DIS3L2: variants seen among roughly 807,000 people sequenced by gnomAD.
DIS3L2 encodes DIS3 like 3'-5' exoribonuclease 2.
Under a neutral mutation model 97.5 loss-of-function variants are expected in DIS3L2, and 34 were observed. The observed-to-expected ratio is 0.35, with a 90% CI of 0.27 to 0.46. The LOEUF (loss-of-function observed/expected upper bound fraction) is 0.46, where lower values mean the gene tolerates loss of function less well. DIS3L2 is among the 20% of genes least tolerant of loss of function. The probability of loss-of-function intolerance (pLI) is 1.00; values close to 1 mark genes in which losing one functional copy is unlikely to be tolerated. For missense variants in DIS3L2, 1,038 were observed against 1,146.0 expected (o/e 0.91, Z 1.36); for synonymous variants, 435 against 445.2 (o/e 0.98, Z 0.29).
chr2:232,304,234 C>T (rs532022802), intron 14 of DIS3L2, among the ~76,000 whole-genome samples: 55 of 151,682 alleles, frequency 3.6e-4, no homozygotes, highest in East Asian at 3.1e-3. Context: ...AAGGAGTGAT[C>T]GAGAGTCATT....
intron 6 of DIS3L2, among the ~76,000 whole-genome samples, chr2:232,119,401 G>C (rs1033289122): frequency 1.3e-5 from 2 of 152,196 alleles, no homozygotes; most frequent in Non-Finnish European, 2.9e-5. Context: ...ACAGGAAGAC[G>C]TGAAGCTTGG....
At chr2:232,299,949 A>G in intron 13 of DIS3L2, 91 bp from the exon 14 acceptor site, 1 of 1,314,632 alleles carries the variant, frequency 7.6e-7, no homozygotes, top group Non-Finnish European at 1.1e-6. Context: ...AGGGAGTGTG[A>G]CTTCGTTTGA....
At chr2:232,042,791 T>C (rs376065988) in intron 5 of DIS3L2, among the ~76,000 whole-genome samples, 3 of 152,216 alleles carry the variant, frequency 2.0e-5, no homozygotes, top group African/African-American at 7.2e-5. Context: ...TCTAGAAAAC[T>C]AATTTATTTC....
At chr2:231,988,201 A>G (rs765935689) in intron 1 of DIS3L2, among the ~76,000 whole-genome samples, 3 of 152,222 alleles carry the variant, frequency 2.0e-5, no homozygotes, top group Non-Finnish European at 4.4e-5. Context: ...TATTAAGTTC[A>G]TGGTGATGGT....
intron 14 of DIS3L2, among the ~76,000 whole-genome samples, chr2:232,304,054 C>T (rs1326463210): frequency 6.6e-6 from 1 of 152,080 alleles, no homozygotes; most frequent in African/African-American, 2.4e-5. Context: ...AAGCTCTCCA[C>T]CCTGAATTAT....
rs760319345 is a variant in DIS3L2 at position 232,095,718 on chromosome 2, C to T, written c.601+7997C>T. 2.6e-5 allele frequency among the ~76,000 whole-genome samples: 4 copies of T among 152,300 alleles called. No homozygotes were observed. In the South Asian group the frequency reaches 8.3e-4, roughly 32 times the overall value. On this transcript the variant is annotated intron_variant, in intron 6 of 20. Coordinates refer to ENST00000325385, the MANE Select transcript of DIS3L2 (RefSeq NM_152383.5). ...TGTTCTGTTCTTTCTAATTGAAGTA[C>T]TCCCTTTAGCGTTTCTTCTAGGACA...
At chr2:232,239,844 A>AGT (rs1482887017) in intron 11 of DIS3L2, among the ~76,000 whole-genome samples, 1 of 152,238 alleles carries the variant, frequency 6.6e-6, no homozygotes, top group African/African-American at 2.4e-5. Flanking sequence ...AGTGTTACTG[A>AGT]GAGTTCCTCT....
chr2:232,123,302 G>C (rs188057673), intron 6 of DIS3L2, among the ~76,000 whole-genome samples: 2 of 151,926 alleles, frequency 1.3e-5, no homozygotes, highest in African/African-American at 4.8e-5. Context: ...CAAGCAATGG[G>C]TTTCTGAAAG....
At chr2:232,012,555 C>T (rs1002959386) in intron 1 of DIS3L2, among the ~76,000 whole-genome samples, 38 of 150,148 alleles carry the variant, frequency 2.5e-4, no homozygotes, top group African/African-American at 8.7e-4. Context: ...AAGGCTGCCG[C>T]GTTTGTTTTC....
Position 232,208,080 on chromosome 2 carries a change from A to T in DIS3L2, c.1125-2246A>T, listed in dbSNP as rs867444036. On this transcript the variant is annotated intron_variant, in intron 9 of 20. Transcript: ENST00000325385. ...GATTTGAAAGTCACATGAATTTTTT[A>T]AAAAAATAGTAAACATTAAAATTGA... is the stretch of plus-strand genomic sequence containing the variant. Among the ~76,000 whole-genome samples the T allele has an allele frequency of 5.7e-4, 87 of 152,290 alleles. 1 individual carries two copies. The highest frequency in any genetic ancestry group is 1.0e-3 in the South Asian group (5 of 4,828).
chr2:232,319,431 A>C (rs1559210550), intron 14 of DIS3L2, among the ~76,000 whole-genome samples: 2 of 152,260 alleles, frequency 1.3e-5, no homozygotes, highest in African/African-American at 4.8e-5. Flanking sequence ...ATGGACAGGC[A>C]TAAGCACCAT....
At chr2:232,171,486 C>G (rs1690989942) in intron 9 of DIS3L2, among the ~76,000 whole-genome samples, 1 of 152,158 alleles carries the variant, frequency 6.6e-6, no homozygotes, top group Admixed American at 6.5e-5. Flanking sequence ...TTGTCTGCCG[C>G]ATTTATCTGA....
intron 1 of DIS3L2, among the ~76,000 whole-genome samples, chr2:232,001,478 A>G (rs926966340): frequency 1.4e-5 from 2 of 146,228 alleles, no homozygotes; most frequent in African/African-American, 5.1e-5. Flanking sequence ...TTGCAAATAT[A>G]TTCTCTCATT....
At chr2:232,077,063 C>T (rs1247428751) in intron 5 of DIS3L2, among the ~76,000 whole-genome samples, 2 of 152,114 alleles carry the variant, frequency 1.3e-5, no homozygotes, top group Admixed American at 6.6e-5. Context: ...GGATTCTGGG[C>T]TTAGTTCTGT....
At chr2:232,326,824 TC>T (rs920922413) in intron 14 of DIS3L2, among the ~76,000 whole-genome samples, 5 of 151,564 alleles carry the variant, frequency 3.3e-5, no homozygotes, top group African/African-American at 1.2e-4. Flanking sequence ...GGTGGGCCTC[TC>T]CTCCATAGCC....
intron 1 of DIS3L2, among the ~76,000 whole-genome samples, chr2:231,963,737 T>C (rs146752471): frequency 7.9e-5 from 12 of 152,258 alleles, no homozygotes; most frequent in African/African-American, 2.4e-4. Flanking sequence ...TTATTTTATT[T>C]TGAGACAGGG....
intron 8 of DIS3L2, among the ~76,000 whole-genome samples, chr2:232,144,929 C>CG (rs1180597160): frequency 6.6e-6 from 1 of 152,178 alleles, no homozygotes; most frequent in Non-Finnish European, 1.5e-5. Context: ...TGCATCTTAT[C>CG]GGGGGCACAT....
At chr2:232,299,576 C>T (rs1694805589) in intron 13 of DIS3L2, among the ~76,000 whole-genome samples, 1 of 152,244 alleles carries the variant, frequency 6.6e-6, no homozygotes, top group South Asian at 2.1e-4. Context: ...TTCCCTTCTA[C>T]CCATTCTATC....
At chr2:232,086,611 G>GTATATATATATATATACACACATATATA (rs1445271893) in intron 5 of DIS3L2, among the ~76,000 whole-genome samples, 19 of 58,072 alleles carry the variant, frequency 3.3e-4, no homozygotes, top group Non-Finnish European at 6.7e-4. Context: ...ATGTGTGTGT[G>GTATATATATATATATACACACATATATA]TGTATATATA....
Sources: allele counts gnomAD v4.1 joint callset (sites outside exome capture counted in the v4.1 genomes callset), GRCh38; gene constraint gnomAD v4.1.1; transcripts MANE v1.5; gene names NCBI Gene and HGNC (gene_info 2026-07-23, HGNC 2026-07-21).